GSC: variants seen among roughly 807,000 people sequenced by gnomAD.
The protein encoded by GSC is goosecoid homeobox, also known as homeobox protein goosecoid.
In GSC, 13 loss-of-function variants were observed where a neutral mutation model predicts 24.5. That is an observed-to-expected ratio of 0.53 (90% CI 0.35 to 0.84). The LOEUF is 0.84. GSC is among the 40% of genes least tolerant of loss of function. The probability of loss-of-function intolerance (pLI) is 0.01; values close to 1 mark genes in which losing one functional copy is unlikely to be tolerated. For synonymous variants in GSC, 199 were observed against 182.1 expected, an observed-to-expected ratio of 1.09 and a Z score of -0.75; for missense variants, 382 against 384.2, an observed-to-expected ratio of 0.99 and a Z score of 0.05.
At chr14:94,768,840 C>T in intron 2 of GSC, 118 bp downstream of exon 2, 1 of 1,439,008 alleles carries the variant, frequency 6.9e-7, no homozygotes, top group Non-Finnish European at 9.4e-7. Context: ...AGCCTGCGGG[C>T]CGCCATCGGG....
chr14:94,768,631 G>A lies in GSC; in HGVS notation c.634C>T (p.Arg212Cys). ...CGCTTCTGCCGCCTCCATTTGGCGC[G>A]GCGGTTCTTAAACCAGACCTGTTGC... ...EKVEVWFKNR[R>C]AKWRRQKRSS... Residue 212 changes from arginine to cysteine, a missense_variant, in exon 3 of 3, where the codon CGC (arginine) becomes TGC (cysteine). Coordinates refer to ENST00000238558, the MANE Select transcript of GSC (RefSeq NM_173849.3). The A allele has an allele frequency of 6.2e-7, 1 of 1,613,800 alleles. No homozygotes were observed. Among genetic ancestry groups the A allele is most frequent in the Non-Finnish European group, 8.5e-7 (1 of 1,180,038 alleles).
chr14:94,769,260 A>G (rs1218431602), intron 1 of GSC, 43 bp from the exon 2 acceptor site: 1 of 1,539,144 alleles, frequency 6.5e-7, no homozygotes, highest in Non-Finnish European at 8.8e-7. Flanking sequence ...CGCCCTCGCC[A>G]CCGCACGCAT....
At position 94,768,566 on chromosome 14, in the gene GSC, G is replaced by A. The variant is rs1304063152; in HGVS notation, c.699C>T (p.Asn233=). 1 of 1,614,072 alleles carries A rather than the reference G, an allele frequency of 6.2e-7. No individual in the cohort carries two copies. The highest frequency in any genetic ancestry group is 1.3e-5 in the African/African-American group (1 of 74,940). ...GTGACGCCTTCGACGACGACGTCTT[G>A]TTCCACTTCTCCGCGTTCTCCGACT... ...SEESENAEKW[N]KTSSSKASPE... is the part of the protein sequence containing the mutation. Residue 233 remains asparagine (N), a synonymous_variant, in exon 3 of 3, where the codon AAC becomes AAT. Coordinates refer to ENST00000238558, the MANE Select transcript of GSC (RefSeq NM_173849.3).
chr14:94,769,083 G>T lies in GSC; in HGVS notation c.490C>A (p.Arg164Ser). The change falls in exon 2 of 3, where the codon CGC becomes AGC. Residue 164 changes from arginine to serine, a missense_variant. Coordinates refer to ENST00000238558, the MANE Select transcript of GSC (RefSeq NM_173849.3). ...AGCTGCTCGTCAGTGAAGATGGTGCGGTGCCGCCGCTTCCGCCGACAGTGC... is the reference window on the plus strand; with the variant it reads ...AGCTGCTCGTCAGTGAAGATGGTGCTGTGCCGCCGCTTCCGCCGACAGTGC... ...QLHCRRKRRH[R>S]TIFTDEQLEA... 1 of 1,592,500 alleles carries T rather than the reference G, an allele frequency of 6.3e-7. No homozygotes were observed. Among genetic ancestry groups the T allele is most frequent in the Non-Finnish European group, 8.5e-7 (1 of 1,170,458 alleles).
chr14:94,768,429 AT>A lies in GSC; in HGVS notation c.*61del. Reference sequence around the variant, plus strand: ...GGCAGCGCGTGTGCAAGAAAGTAGCATCGTCTGTCTGTGCAAGTCCTTCGAG... The same window carrying A: ...GGCAGCGCGTGTGCAAGAAAGTAGCACGTCTGTCTGTGCAAGTCCTTCGAG... On this transcript the variant is annotated 3_prime_UTR_variant, in exon 3 of 3. Coordinates refer to ENST00000238558, the MANE Select transcript of GSC (RefSeq NM_173849.3). 2.4e-5 allele frequency: 38 copies of A among 1,591,358 alleles called. No homozygotes were observed. Among genetic ancestry groups the A allele is most frequent in the Non-Finnish European group, 3.2e-5 (37 of 1,159,472 alleles).
chr14:94,769,251 G>A (rs1336743473), intron 1 of GSC, 34 bp from the exon 2 acceptor site: 3 of 1,541,968 alleles, frequency 1.9e-6, no homozygotes, highest in Non-Finnish European at 2.6e-6. Context: ...TCAGCCGCCC[G>A]CCCTCGCCAC....
chr14:94,769,541 G>A lies in GSC; in HGVS notation c.355+120C>T, dbSNP rs114851113. On this transcript the variant is annotated intron_variant, in intron 1 of 2. Transcript: ENST00000238558. The stretch of plus-strand genomic sequence containing the variant: ...AGTTTGCAAACTCCTGCGCCCGATC[G>A]GCAAAAGCGGAGGGGGGAGTTGCAA... 2.2e-6 allele frequency: 3 copies of A among 1,347,490 alleles called. No homozygotes were observed. The East Asian group carries it at 8.1e-5, about 36-fold the overall frequency. 83.5% of individuals were successfully genotyped at this position (1,347,490 alleles called of 1,614,324 possible).
rs749863959 is a variant in GSC, at chr14:94,769,212, C to T, written c.361G>A (p.Glu121Lys). The T allele has an allele frequency of 7.7e-6, 12 of 1,553,808 alleles. No homozygotes were observed. The highest frequency in any genetic ancestry group is 1.9e-5 in the Admixed American group (1 of 51,948). ...GACACCAGCACCGAACCGGGGCCCTCGTAGCCTGCGACAGAGTGGGGCGCA... is the reference window on the plus strand; with the variant it reads ...GACACCAGCACCGAACCGGGGCCCTTGTAGCCTGCGACAGAGTGGGGCGCA... ...CSCVPTPPGY[E>K]GPGSVLVSPV... Residue 121 changes from glutamate (E) to lysine (K), a missense_variant, in exon 2 of 3, where the codon GAG (glutamate) becomes AAG (lysine). Physicochemically the swap from Glu to Lys is moderately conservative, Grantham distance 56 (BLOSUM62 1). Coordinates refer to ENST00000238558, the MANE Select transcript of GSC (RefSeq NM_173849.3).
At position 94,768,560 on chromosome 14, in the gene GSC, C is replaced by T; in HGVS notation, c.705G>A (p.Thr235=). ...TCTCCGGTGACGCCTTCGACGACGA[C>T]GTCTTGTTCCACTTCTCCGCGTTCT... is the stretch of plus-strand genomic sequence containing the variant. The part of the protein sequence containing the change: ...ESENAEKWNK[T]SSSKASPEKR... Residue 235 remains threonine, a synonymous_variant, in exon 3 of 3, where the codon ACG becomes ACA. Coordinates refer to ENST00000238558, the MANE Select transcript of GSC (RefSeq NM_173849.3). The T allele has an allele frequency of 3.7e-6, 6 of 1,614,232 alleles. No individual in the cohort carries two copies. The highest frequency in any genetic ancestry group is 5.1e-6 in the Non-Finnish European group (6 of 1,180,038).
rs1470361138 is a variant in GSC at position 94,768,981 on chromosome 14, G to A, written c.592C>T (p.His198Tyr). The part of the protein sequence containing the change: ...GTREQLARKV[H>Y]LREEKVEVWF... ...ACCTCCACTTTCTCCTCGCGGAGGT[G>A]CACTTTCCGGGCCAGCTGCTCGCGC... Residue 198 changes from histidine (H) to tyrosine (Y), a missense_variant, in exon 2 of 3, where the codon CAC becomes TAC. Coordinates refer to ENST00000238558, the MANE Select transcript of GSC (RefSeq NM_173849.3). 2 of 1,592,306 alleles carry A rather than the reference G, an allele frequency of 1.3e-6. No homozygotes were observed. Among genetic ancestry groups the A allele is most frequent in the Non-Finnish European group, 1.7e-6 (2 of 1,170,544 alleles).
Position 94,770,044 on chromosome 14 carries a change from C to T in GSC, c.-29G>A. Reference sequence around the variant, plus strand: ...CGAGCCCCGCGTCGGGACCGGGGGGCGGCGGGAACGCGCCGAGGACAGAGC... The same window carrying T: ...CGAGCCCCGCGTCGGGACCGGGGGGTGGCGGGAACGCGCCGAGGACAGAGC... On this transcript the variant is annotated 5_prime_UTR_variant, in exon 1 of 3. Transcript: ENST00000238558. 1 of 1,530,296 alleles carries T rather than the reference C, an allele frequency of 6.5e-7. No homozygotes were observed. The highest frequency in any genetic ancestry group is 8.7e-7 in the Non-Finnish European group (1 of 1,145,696). The allele number at this position is 1,530,296 out of a possible 1,614,324, so 94.8% of individuals were successfully genotyped here.
In GSC at chr14:94,769,802, C is replaced by G; in HGVS notation, c.214G>C (p.Ala72Pro). Residue 72 changes from alanine to proline, a missense_variant, in exon 1 of 3, where the codon GCG becomes CCG. Physicochemically the swap from Ala to Pro is conservative, Grantham distance 27 (BLOSUM62 -1). Coordinates refer to ENST00000238558, the MANE Select transcript of GSC (RefSeq NM_173849.3). Reference sequence around the variant, plus strand: ...TAGCCGAGGCGGGAGCCGCTGACCGCGGCCGGGAGGCCCGCGCCGCCGGGG... The same window carrying G: ...TAGCCGAGGCGGGAGCCGCTGACCGGGGCCGGGAGGCCCGCGCCGCCGGGG... ...VAPGGAGLPA[A>P]VSGSRLGYNN... 1 of 1,416,998 alleles carries G rather than the reference C, an allele frequency of 7.1e-7. No individual in the cohort carries two copies. The highest frequency in any genetic ancestry group is 9.1e-7 in the Non-Finnish European group (1 of 1,096,818). 87.8% of individuals were successfully genotyped at this position (1,416,998 alleles called of 1,614,324 possible). A position where few individuals can be genotyped will look rare whatever the true frequency, so the allele number is the denominator to read the frequency against.
At chr14:94,769,242 C>A in intron 1 of GSC, 25 bp from the exon 2 acceptor site, 1 of 1,544,946 alleles carries the variant, frequency 6.5e-7, no homozygotes, top group South Asian at 1.2e-5. Flanking sequence ...GGCGCACGGT[C>A]AGCCGCCCGC....
intron 2 of GSC, 80 bp downstream of exon 2, chr14:94,768,878 G>A: frequency 6.6e-7 from 1 of 1,522,368 alleles, no homozygotes. Flanking sequence ...GGAGAGCCAA[G>A]CAGGGCTGGG....
In GSC at chr14:94,768,337, G is replaced by A. The variant is rs1024959834; in HGVS notation, c.*154C>T. The A allele has an allele frequency of 7.9e-6, 8 of 1,014,098 alleles. No individual in the cohort carries two copies. Among genetic ancestry groups the A allele is most frequent in the African/African-American group, 6.3e-5 (4 of 63,274 alleles). The allele number at this position is 1,014,098 out of a possible 1,614,324, so 62.8% of individuals were successfully genotyped here. A position where few individuals can be genotyped will look rare whatever the true frequency, so the allele number is the denominator to read the frequency against. ...GGCTGTGCGCGCCCTGACCCCAGAC[G>A]CCGACCCTCCCGGCTCTGTACACTA... On this transcript the variant is annotated 3_prime_UTR_variant, in exon 3 of 3. Coordinates refer to ENST00000238558, the MANE Select transcript of GSC (RefSeq NM_173849.3).
At position 94,768,565 on chromosome 14, in the gene GSC, T is replaced by A; in HGVS notation, c.700A>T (p.Lys234Ter). The A allele has an allele frequency of 6.2e-7, 1 of 1,614,218 alleles. No individual in the cohort carries two copies. The highest frequency in any genetic ancestry group is 1.1e-5 in the South Asian group (1 of 91,090). ...GGTGACGCCTTCGACGACGACGTCT[T>A]GTTCCACTTCTCCGCGTTCTCCGAC... ...EESENAEKWN[K>*]TSSSKASPEK... Residue 234 changes from lysine (K) to a stop codon, truncating the protein, a stop_gained, in exon 3 of 3, where the codon AAG (lysine) becomes TAG (stop). Transcript: ENST00000238558. LOFTEE classifies it high-confidence loss of function.
Position 94,768,469 on chromosome 14 carries a change from A to G in GSC, c.*22T>C, listed in dbSNP as rs1196769969. Reference sequence around the variant, plus strand: ...AAGTCCTTCGAGTTAGGTAAGTAATACGGGCAAGTGTCCCGCGGCCGTCAG... The same window carrying G: ...AAGTCCTTCGAGTTAGGTAAGTAATGCGGGCAAGTGTCCCGCGGCCGTCAG... On this transcript the variant is annotated 3_prime_UTR_variant, in exon 3 of 3. Transcript: ENST00000238558. The G allele has an allele frequency of 1.9e-6, 3 of 1,613,876 alleles. No individual in the cohort carries two copies. In the Admixed American group the frequency reaches 5.0e-5, roughly 27 times the overall value.
Position 94,768,974 on chromosome 14 carries a change from C to T in GSC, c.599G>A (p.Arg200His), listed in dbSNP as rs774777528. Residue 200 changes from arginine (R) to histidine (H), a missense_variant, in exon 2 of 3, where the codon CGC (arginine) becomes CAC (histidine). Coordinates refer to ENST00000238558, the MANE Select transcript of GSC (RefSeq NM_173849.3). The part of the protein sequence containing the change: ...REQLARKVHL[R>H]EEKVEVWFKN... ...GGCGCCTACCTCCACTTTCTCCTCG[C>T]GGAGGTGCACTTTCCGGGCCAGCTG... The T allele has an allele frequency of 1.3e-6, 2 of 1,589,566 alleles. No homozygotes were observed. Among genetic ancestry groups the T allele is most frequent in the Non-Finnish European group, 1.7e-6 (2 of 1,169,260 alleles).
Position 94,768,417 on chromosome 14 carries a change from C to A in GSC, c.*74G>T, listed in dbSNP as rs1287134159. The A allele has an allele frequency of 7.7e-5, 121 of 1,564,986 alleles. No individual in the cohort carries two copies. The East Asian group carries it at 2.7e-3, about 35-fold the overall frequency. On this transcript the variant is annotated 3_prime_UTR_variant, in exon 3 of 3. Transcript: ENST00000238558. Reference sequence around the variant, plus strand: ...CCCCTCCCGCAAGGCAGCGCGTGTGCAAGAAAGTAGCATCGTCTGTCTGTG... The same window carrying A: ...CCCCTCCCGCAAGGCAGCGCGTGTGAAAGAAAGTAGCATCGTCTGTCTGTG...
Sources: gnomAD v4.1 joint callset for allele counts on GRCh38, gnomAD v4.1.1 for gene constraint, MANE v1.5 for transcripts, NCBI Gene and HGNC (gene_info 2026-07-23, HGNC 2026-07-21) for gene names.